EGFL6: variants seen among roughly 807,000 people sequenced by gnomAD.
EGFL6 encodes EGF like domain multiple 6.
EGFL6 carries 42 observed loss-of-function variants against 43.1 expected under a neutral mutation model. The ratio of observed to expected loss-of-function variants is 0.98; its 90% CI spans 0.76 to 1.26. The LOEUF is 1.26. EGFL6 is among the 50% of genes most tolerant of loss of function. The probability of loss-of-function intolerance (pLI) is 0.00; values close to 1 mark genes in which losing one functional copy is unlikely to be tolerated. For synonymous variants in EGFL6, 164 were observed against 163.2 expected, an observed-to-expected ratio of 1.01 and a Z score of -0.04; for missense variants, 429 against 427.8, an observed-to-expected ratio of 1.00 and a Z score of -0.02.
rs1459612059 is a variant in EGFL6 at position 13,623,336 on chromosome X, A to AT, written c.1184-474dup. ...TGCATGGGGTTCTCGCCCATTACTA[A>AT]TTTTTTTTTTTTTTAAAAAAGGGTT... On this transcript the variant is annotated intron_variant, in intron 9 of 11. Transcript: ENST00000361306. Among the ~76,000 whole-genome samples the AT allele has an allele frequency of 1.3e-3, 112 of 83,083 alleles. 1 individual carries two copies. Among genetic ancestry groups the AT allele is most frequent in the Non-Finnish European group, 1.6e-3 (67 of 42,083 alleles). 72.1% of individuals were successfully genotyped at this position (83,083 alleles called of 115,157 possible).
intron 7 of EGFL6, among the ~76,000 whole-genome samples, chrX:13,611,408 A>G (rs555112783): frequency 3.5e-4 from 39 of 112,094 alleles, no homozygotes; most frequent in Admixed American, 2.4e-3. Context: ...GCATACAAAA[A>G]AAGACACCTC....
intron 7 of EGFL6, among the ~76,000 whole-genome samples, chrX:13,612,850 A>G (rs2045698821): frequency 8.9e-6 from 1 of 112,402 alleles, no homozygotes; most frequent in African/African-American, 3.2e-5. Context: ...GTTATTATAT[A>G]ATCTAGGGCA....
intron 2 of EGFL6, among the ~76,000 whole-genome samples, chrX:13,593,520 TA>T (rs2045578147): frequency 9.0e-6 from 1 of 111,502 alleles, no homozygotes; most frequent in African/African-American, 3.3e-5. Context: ...CAGGGACCTC[TA>T]GGGGGTTAAT....
intron 7 of EGFL6, among the ~76,000 whole-genome samples, chrX:13,610,916 G>A (rs751353472): frequency 5.8e-4 from 64 of 111,066 alleles, no homozygotes; most frequent in Non-Finnish European, 9.3e-4. Context: ...AGTTGCATGC[G>A]TATCTCTAGC....
In EGFL6 at chrX:13,598,831, A is replaced by C. The variant is rs894627075; in HGVS notation, c.281-1144A>C. On this transcript the variant is annotated intron_variant, in intron 3 of 11. Transcript: ENST00000361306. ...ATTCACATATATATAATTCATATAT[A>C]TATTTCATATATATAATTCACATAT... Among the ~76,000 whole-genome samples, 3 of 96,458 alleles carry C rather than the reference A, an allele frequency of 3.1e-5. No homozygotes were observed. In the Admixed American group the frequency reaches 3.6e-4, roughly 11 times the overall value. 83.8% of individuals were successfully genotyped at this position (96,458 alleles called of 115,157 possible). A position where few individuals can be genotyped will look rare whatever the true frequency, so the allele number is the denominator to read the frequency against.
At chrX:13,573,378 T>C (rs1373901437) in intron 1 of EGFL6, among the ~76,000 whole-genome samples, 1 of 112,268 alleles carries the variant, frequency 8.9e-6, no homozygotes, top group African/African-American at 3.2e-5. Context: ...TTTGTGAGAA[T>C]GTACCCAAAA....
chrX:13,603,428 A>G lies in EGFL6; in HGVS notation c.512A>G (p.Asp171Gly). 1.7e-6 allele frequency: 2 copies of G among 1,207,892 alleles called. No individual in the cohort carries two copies. The highest frequency in any genetic ancestry group is 1.1e-6 in the Non-Finnish European group (1 of 894,076). The change falls in exon 5 of 12, where the codon GAC becomes GGC. Residue 171 changes from aspartate (D) to glycine (G), a missense_variant. Transcript: ENST00000361306. Reference protein sequence around the residue: ...SGLRLAPNGRDCLDIDECASG... With the variant: ...SGLRLAPNGRGCLDIDECASG... ...CTCCGCCTGGCCCCAAATGGAAGAG[A>G]CTGTCTAGGTACAACAGCAGGAATC...
At chrX:13,580,072 C>A (rs181722319) in intron 1 of EGFL6, among the ~76,000 whole-genome samples, 508 of 111,617 alleles carry the variant, frequency 4.6e-3, no homozygotes, top group Non-Finnish European at 8.0e-3. Flanking sequence ...GGGAATTAAA[C>A]TTCACCTTTT....
intron 1 of EGFL6, among the ~76,000 whole-genome samples, chrX:13,588,478 C>G (rs2045545136): frequency 8.9e-6 from 1 of 111,937 alleles, no homozygotes; most frequent in African/African-American, 3.3e-5. Flanking sequence ...ACATACAATG[C>G]AAGTATTTTC....
chrX:13,584,158 T>C (rs1160620012), intron 1 of EGFL6, among the ~76,000 whole-genome samples: 1 of 111,930 alleles, frequency 8.9e-6, no homozygotes, highest in Admixed American at 9.5e-5. Flanking sequence ...CAAAGTAACT[T>C]GCTGAAGGTC....
In EGFL6 at chrX:13,600,799, GA is replaced by G. The variant is rs199934545; in HGVS notation, c.400+715del. Among the ~76,000 whole-genome samples, 833 of 96,770 alleles carry G rather than the reference GA, an allele frequency of 8.6e-3. 7 individuals carry two copies. Among genetic ancestry groups the G allele is most frequent in the Non-Finnish European group, 0.013 (613 of 47,743 alleles). The allele number at this position is 96,770 out of a possible 115,157, so 84.0% of individuals were successfully genotyped here. A position where few individuals can be genotyped will look rare whatever the true frequency, so the allele number is the denominator to read the frequency against. On this transcript the variant is annotated intron_variant, in intron 4 of 11. Coordinates refer to ENST00000361306, the MANE Select transcript of EGFL6 (RefSeq NM_015507.4). The stretch of plus-strand genomic sequence containing the variant: ...GGTAGGGCACCTGTAATCTCAGAAA[GA>G]AAAAAAAAAGCGGTAAAATAATGTG...
rs774112791 is a variant in EGFL6, at chrX:13,623,377, G to GTT, written c.1184-428_1184-427dup. ...AAAAAGGGTTTTTGTTTTATTTTGG[G>GTT]TTTTTTTTTTTTTTTTTTTTGAGAC... On this transcript the variant is annotated intron_variant, in intron 9 of 11. Coordinates refer to ENST00000361306, the MANE Select transcript of EGFL6 (RefSeq NM_015507.4). Among the ~76,000 whole-genome samples, 77 of 40,353 alleles carry GTT rather than the reference G, an allele frequency of 1.9e-3. 5 individuals carry two copies. Among genetic ancestry groups the GTT allele is most frequent in the African/African-American group, 4.2e-3 (39 of 9,204 alleles). 35.0% of individuals were successfully genotyped at this position (40,353 alleles called of 115,157 possible).
chrX:13,574,606 A>G (rs925068278), intron 1 of EGFL6: 2 of 111,224 alleles, frequency 1.8e-5, no homozygotes, highest in African/African-American at 6.6e-5. Context: ...GTCCTTATCC[A>G]ATATGACTGC....
chrX:13,570,398 G>T (rs756271320), intron 1 of EGFL6, among the ~76,000 whole-genome samples: 4 of 111,749 alleles, frequency 3.6e-5, no homozygotes, highest in African/African-American at 1.3e-4. Flanking sequence ...AGGAGGGAAA[G>T]AAACCGAGGA....
At chrX:13,596,077 T>C (rs2045595881) in intron 3 of EGFL6, among the ~76,000 whole-genome samples, 1 of 112,017 alleles carries the variant, frequency 8.9e-6, no homozygotes, top group Non-Finnish European at 1.9e-5. Context: ...TCTGAAAACA[T>C]TAAAGAGATG....
chrX:13,569,786 C>G lies in EGFL6; in HGVS notation c.-76C>G. The G allele has an allele frequency of 1.9e-6, 2 of 1,046,122 alleles. No individual in the cohort carries two copies. Among genetic ancestry groups the G allele is most frequent in the Non-Finnish European group, 2.7e-6 (2 of 750,922 alleles). The allele number at this position is 1,046,122 out of a possible 1,213,427, so 86.2% of individuals were successfully genotyped here. ...GAGCGGCTGAGGAGAGAGGAGGCGGCGGCTTAGCTGCTACGGGGTCCGGCC... is the reference window on the plus strand; with the variant it reads ...GAGCGGCTGAGGAGAGAGGAGGCGGGGGCTTAGCTGCTACGGGGTCCGGCC... On this transcript the variant is annotated 5_prime_UTR_variant, in exon 1 of 12. Coordinates refer to ENST00000361306, the MANE Select transcript of EGFL6 (RefSeq NM_015507.4).
At chrX:13,593,840 G>T (rs751940996) in intron 2 of EGFL6, among the ~76,000 whole-genome samples, 5 of 111,629 alleles carry the variant, frequency 4.5e-5, no homozygotes, top group African/African-American at 1.6e-4. Context: ...TAGGATCTGG[G>T]GTTGTAGGGA....
At chrX:13,581,925 A>G (rs1418195507) in intron 1 of EGFL6, among the ~76,000 whole-genome samples, 1 of 111,730 alleles carries the variant, frequency 9.0e-6, no homozygotes, top group Non-Finnish European at 1.9e-5. Context: ...CCTGAGCCTC[A>G]TATGTGCAAA....
chrX:13,597,531 T>C (rs887819214), intron 3 of EGFL6, among the ~76,000 whole-genome samples: 2 of 111,961 alleles, frequency 1.8e-5, no homozygotes, highest in Non-Finnish European at 3.8e-5. Context: ...CACCTGTAAT[T>C]CCGGCACTTA....
Sources: gnomAD v4.1 joint callset for allele counts (sites outside exome capture counted in the v4.1 genomes callset) on GRCh38, gnomAD v4.1.1 for gene constraint, MANE v1.5 for transcripts, NCBI Gene and HGNC (gene_info 2026-07-23, HGNC 2026-07-21) for gene names.